Variants in R3HDM2 observed in about 807,000 individuals in gnomAD.
R3HDM2 encodes the protein R3H domain-containing protein 2.
Under a neutral mutation model 124.5 loss-of-function variants are expected in R3HDM2, and 38 were observed. The observed-to-expected ratio is 0.31, with a 90% CI of 0.24 to 0.40. R3HDM2 has a LOEUF of 0.40. R3HDM2 is among the 10% of genes least tolerant of loss of function. The pLI is 1.00. For synonymous variants in R3HDM2, 391 were observed against 448.0 expected, an observed-to-expected ratio of 0.87 and a Z score of 1.61; for missense variants, 869 against 1,236.9, an observed-to-expected ratio of 0.70 and a Z score of 4.46.
Position 57,283,745 on chromosome 12 carries a change from A to G in R3HDM2, c.1171+79T>C, listed in dbSNP as rs373278169. The G allele has an allele frequency of 9.9e-5, 143 of 1,442,088 alleles. No homozygotes were observed. In the African/African-American group the frequency reaches 1.5e-3, roughly 15 times the overall value. The allele number at this position is 1,442,088 out of a possible 1,614,324, so 89.3% of individuals were successfully genotyped here. A position where few individuals can be genotyped will look rare whatever the true frequency, so the allele number is the denominator to read the frequency against. ...CAGAGGAGACTCTGTCTCAAAAAAAAAAGTAAATATCAGTGATGTTTCACA... is the reference window on the plus strand; with the variant it reads ...CAGAGGAGACTCTGTCTCAAAAAAAGAAGTAAATATCAGTGATGTTTCACA... On this transcript the variant is annotated intron_variant, in intron 13 of 23. Transcript: ENST00000402412.
At chr12:57,347,482 A>T (rs2060202112) in intron 2 of R3HDM2, among the ~76,000 whole-genome samples, 1 of 152,198 alleles carries the variant, frequency 6.6e-6, no homozygotes, top group East Asian at 1.9e-4. Context: ...AAAACAACAG[A>T]ATCAACAAGT....
At chr12:57,274,338 G>T (rs1222753233) in intron 14 of R3HDM2, among the ~76,000 whole-genome samples, 1 of 152,156 alleles carries the variant, frequency 6.6e-6, no homozygotes, top group Non-Finnish European at 1.5e-5. Flanking sequence ...GCTGCGCATG[G>T]TGGCACATGC....
intron 2 of R3HDM2, among the ~76,000 whole-genome samples, chr12:57,343,186 A>ATTTT (rs760665727): frequency 2.2e-5 from 3 of 133,950 alleles, no homozygotes; most frequent in Non-Finnish European, 4.8e-5. Flanking sequence ...TCGGGTCTTA[A>ATTTT]TTTTTTTTTT....
At chr12:57,414,486 T>TA (rs534205889) in intron 1 of R3HDM2, among the ~76,000 whole-genome samples, 5,805 of 66,298 alleles carry the variant, frequency 0.088, 293 homozygotes, top group Non-Finnish European at 0.11. Context: ...AAGACTCCAT[T>TA]AAAAAAAAAA....
chr12:57,353,886 C>T (rs1432096497), intron 2 of R3HDM2, among the ~76,000 whole-genome samples: 1 of 152,014 alleles, frequency 6.6e-6, no homozygotes, highest in Non-Finnish European at 1.5e-5. Context: ...GAAAGAGTCT[C>T]GCTCTGTCAC....
intron 1 of R3HDM2, among the ~76,000 whole-genome samples, chr12:57,401,342 C>T (rs1278228831): frequency 1.3e-5 from 2 of 151,846 alleles, no homozygotes; most frequent in African/African-American, 2.4e-5. Flanking sequence ...GGAACCTAAC[C>T]ATCATGCAAA....
chr12:57,254,679 T>A lies in R3HDM2; in HGVS notation c.*94A>T. On this transcript the variant is annotated 3_prime_UTR_variant, in exon 24 of 24. Transcript: ENST00000402412. ...GGTTCCAGTTTAACATCAGTTTCCT[T>A]ACTTCCTGCCTCTGTCCATGGTCTG... 4 of 1,138,886 alleles carry A rather than the reference T, an allele frequency of 3.5e-6. No individual in the cohort carries two copies. Among genetic ancestry groups the A allele is most frequent in the Non-Finnish European group, 4.9e-6 (4 of 811,172 alleles). 70.5% of individuals were successfully genotyped at this position (1,138,886 alleles called of 1,614,324 possible). A position where few individuals can be genotyped will look rare whatever the true frequency, so the allele number is the denominator to read the frequency against.
intron 18 of R3HDM2, among the ~76,000 whole-genome samples, chr12:57,267,309 C>G (rs929150170): frequency 6.6e-6 from 1 of 152,140 alleles, no homozygotes; most frequent in African/African-American, 2.4e-5. Context: ...GTAATCCCAG[C>G]ACTTTGGGAG....
intron 1 of R3HDM2, among the ~76,000 whole-genome samples, chr12:57,417,384 CAAAAA>C (rs542470589): frequency 9.1e-6 from 1 of 110,244 alleles, no homozygotes; most frequent in Non-Finnish European, 1.9e-5. Flanking sequence ...AATTCCATTT[CAAAAA>C]AAAAAAAAAA....
chr12:57,283,861 G>A lies in R3HDM2; in HGVS notation c.1134C>T (p.Ser378=), dbSNP rs769227429. 1 of 1,614,206 alleles carries A rather than the reference G, an allele frequency of 6.2e-7. No homozygotes were observed. Among genetic ancestry groups the A allele is most frequent in the Non-Finnish European group, 8.5e-7 (1 of 1,180,036 alleles). ...SILTRGDSIG[S]SKGGSAGRIS... ...TCCTTCCCGCACTGCCGCCTTTACT[G>A]CTGCCGATGCTGTCACCTCGGGTAA... is the stretch of plus-strand genomic sequence containing the variant. The change falls in exon 13 of 24, where the codon AGC becomes AGT. Residue 378 remains serine, a synonymous_variant. Coordinates refer to ENST00000402412, the MANE Select transcript of R3HDM2 (RefSeq NM_001394031.1).
At chr12:57,430,204 G>A (rs1001167676) in intron 1 of R3HDM2, among the ~76,000 whole-genome samples, 1 of 152,138 alleles carries the variant, frequency 6.6e-6, no homozygotes, top group Non-Finnish European at 1.5e-5. Context: ...ACGAATCGAA[G>A]CGTTTTCAGG....
intron 2 of R3HDM2, among the ~76,000 whole-genome samples, chr12:57,350,967 C>T (rs567174120): frequency 2.8e-4 from 42 of 152,136 alleles, no homozygotes; most frequent in African/African-American, 9.6e-4. Flanking sequence ...GGCATGGTGG[C>T]GGGTGCCTGT....
intron 7 of R3HDM2, 47 bp downstream of exon 7, chr12:57,298,043 T>C: frequency 1.4e-6 from 2 of 1,405,640 alleles, no homozygotes; most frequent in Non-Finnish European, 2.0e-6. Flanking sequence ...TCTTGGAATC[T>C]TGCTATCCCC....
intron 2 of R3HDM2, among the ~76,000 whole-genome samples, chr12:57,318,778 G>A (rs2055739084): frequency 6.6e-6 from 1 of 152,152 alleles, no homozygotes; most frequent in African/African-American, 2.4e-5. Context: ...AATATTTTAT[G>A]TATCTCATTT....
chr12:57,317,599 T>G (rs143726516), intron 2 of R3HDM2, among the ~76,000 whole-genome samples: 1 of 144,728 alleles, frequency 6.9e-6, no homozygotes, highest in African/African-American at 2.6e-5. Flanking sequence ...ATACTCTGAG[T>G]TGAGTTTATT....
chr12:57,328,166 G>A (rs2057583765), intron 2 of R3HDM2, among the ~76,000 whole-genome samples: 1 of 151,436 alleles, frequency 6.6e-6, no homozygotes, highest in Non-Finnish European at 1.5e-5. Context: ...CAAACTCCCA[G>A]GCTCAGGCGA....
rs67514723 is a variant in R3HDM2 at position 57,254,501 on chromosome 12, C to CAAAA, written c.*268_*271dup. Reference sequence around the variant, plus strand: ...GGGTGACAAGAGCGAAACTCCGTCTCAAAAAAAAAAAAAAAAAAAAAAAGA... The same window carrying CAAAA: ...GGGTGACAAGAGCGAAACTCCGTCTCAAAAAAAAAAAAAAAAAAAAAAAAAAAGA... On this transcript the variant is annotated 3_prime_UTR_variant, in exon 24 of 24. Transcript: ENST00000402412. 172 of 101,956 alleles carry CAAAA rather than the reference C, an allele frequency of 1.7e-3. No individual in the cohort carries two copies. Among genetic ancestry groups the CAAAA allele is most frequent in the Middle Eastern group, 4.2e-3 (1 of 236 alleles). The allele number at this position is 101,956 out of a possible 1,614,324, so 6.3% of individuals were successfully genotyped here. A position where few individuals can be genotyped will look rare whatever the true frequency, so the allele number is the denominator to read the frequency against.
intron 1 of R3HDM2, among the ~76,000 whole-genome samples, chr12:57,408,723 G>A (rs2068747917): frequency 6.6e-6 from 1 of 151,782 alleles, no homozygotes; most frequent in Non-Finnish European, 1.5e-5. Context: ...TCATAAAAGA[G>A]CAAATCTCAA....
At chr12:57,275,803 C>A (rs963573219) in intron 14 of R3HDM2, among the ~76,000 whole-genome samples, 7 of 152,220 alleles carry the variant, frequency 4.6e-5, no homozygotes, top group African/African-American at 1.4e-4. Context: ...TGGTCATAAT[C>A]AAAAAATCAA....
Sources: allele counts gnomAD v4.1 joint callset (sites outside exome capture counted in the v4.1 genomes callset), GRCh38; gene constraint gnomAD v4.1.1; transcripts MANE v1.5; gene names NCBI Gene and HGNC (gene_info 2026-07-23, HGNC 2026-07-21).